PDCD6IP: variants seen among roughly 807,000 people sequenced by gnomAD.
PDCD6IP encodes programmed cell death 6 interacting protein, also known as programmed cell death 6-interacting protein.
In PDCD6IP, 43 loss-of-function variants were observed where a neutral mutation model predicts 103.7. That is an observed-to-expected ratio of 0.41 (90% CI 0.32 to 0.53). The LOEUF (loss-of-function observed/expected upper bound fraction) is 0.53. Among genes scored for constraint, PDCD6IP ranks in the 20% least tolerant of loss-of-function variants. PDCD6IP has a pLI of 0.16. For missense variants in PDCD6IP, 871 were observed against 1,036.7 expected, an observed-to-expected ratio of 0.84 and a Z score of 2.20; for synonymous variants, 354 against 378.7, an observed-to-expected ratio of 0.93 and a Z score of 0.76.
intron 2 of PDCD6IP, 36 bp from the exon 3 acceptor site, chr3:33,813,523 G>C (rs778644410): frequency 8.6e-6 from 11 of 1,281,578 alleles, no homozygotes; most frequent in African/African-American, 4.5e-5. Flanking sequence ...ATTCAGGAAG[G>C]TTACCTAATT....
At chr3:33,866,318 A>G (rs761692384) in intron 17 of PDCD6IP, 33 bp from the exon 18 acceptor site, 7 of 1,284,060 alleles carry the variant, frequency 5.5e-6, no homozygotes, top group Non-Finnish European at 6.3e-6. Flanking sequence ...TATTTGATTT[A>G]CCAATCAAGA....
At chr3:33,821,909 T>G (rs1696999656) in intron 3 of PDCD6IP, 46 bp from the exon 4 acceptor site, 1 of 1,562,760 alleles carries the variant, frequency 6.4e-7, no homozygotes, top group Admixed American at 1.8e-5. Flanking sequence ...TTTGTTTTCT[T>G]TAGAAAAAAT....
chr3:33,835,164 T>C, intron 7 of PDCD6IP: 1 of 454,780 alleles, frequency 2.2e-6, no homozygotes, highest in South Asian at 1.6e-5. Flanking sequence ...CGGCTTATGT[T>C]CATTTTTTTA....
At chr3:33,822,798 G>A (rs1440089276) in intron 4 of PDCD6IP, among the ~76,000 whole-genome samples, 2 of 152,096 alleles carry the variant, frequency 1.3e-5, no homozygotes, top group Non-Finnish European at 2.9e-5. Flanking sequence ...TAGGACTATA[G>A]GCATCCGCCA....
At chr3:33,852,456 T>TTTTA in intron 12 of PDCD6IP, 32 bp from the exon 13 acceptor site, 1 of 1,316,212 alleles carries the variant, frequency 7.6e-7, no homozygotes, top group South Asian at 1.8e-5. Flanking sequence ...TTTTTTTTTT[T>TTTTA]GCAGTTAAAC....
intron 1 of PDCD6IP, among the ~76,000 whole-genome samples, chr3:33,804,759 C>G (rs1447558075): frequency 3.3e-5 from 5 of 152,152 alleles, no homozygotes; most frequent in Non-Finnish European, 7.3e-5. Context: ...TCTTGATTCC[C>G]CAGCTAGTTA....
intron 5 of PDCD6IP, among the ~76,000 whole-genome samples, chr3:33,826,191 T>C (rs1372828526): frequency 1.3e-5 from 2 of 152,128 alleles, no homozygotes; most frequent in Non-Finnish European, 2.9e-5. Flanking sequence ...CAACATAAGA[T>C]TTTTAGTATA....
intron 4 of PDCD6IP, 31 bp from the exon 5 acceptor site, chr3:33,825,156 C>A: frequency 1.3e-6 from 2 of 1,587,954 alleles, no homozygotes; most frequent in African/African-American, 1.4e-5. Context: ...TTGCTGAGTT[C>A]CTATAAAGAA....
intron 3 of PDCD6IP, among the ~76,000 whole-genome samples, chr3:33,816,503 T>TAAAAA (rs57317946): frequency 3.5e-4 from 20 of 57,622 alleles, no homozygotes; most frequent in South Asian, 5.5e-4. Context: ...AGATTCTGTC[T>TAAAAA]AAAAAAAAAA....
chr3:33,828,610 G>C (rs1697180180), intron 6 of PDCD6IP: 1 of 276,892 alleles, frequency 3.6e-6, no homozygotes, highest in Non-Finnish European at 6.8e-6. Context: ...ACCTAAATTG[G>C]CTTCAGTTAA....
chr3:33,836,185 C>T lies in PDCD6IP; in HGVS notation c.976C>T (p.Leu326Phe), dbSNP rs371977368. 52 of 1,613,164 alleles carry T rather than the reference C, an allele frequency of 3.2e-5. No individual in the cohort carries two copies. Among genetic ancestry groups the T allele is most frequent in the Non-Finnish European group, 4.2e-5 (50 of 1,179,262 alleles). ...CATTTATCATGATCGAGTTCCAGAC[C>T]TTAAAGATCTAGATCCTATTGGCAA... ...DFIYHDRVPD[L>F]KDLDPIGKAT... is the part of the protein sequence containing the mutation. The change falls in exon 8 of 18, where the codon CTT becomes TTT. Residue 326 changes from leucine (L) to phenylalanine (F), a missense_variant. By Grantham distance (22) the Leu-to-Phe change is conservative (BLOSUM62 0). This residue lies in a region of PDCD6IP where 242 missense variants were observed against 250.7 expected (regional missense o/e 0.97). Transcript: ENST00000307296.
At chr3:33,813,729 A>C in intron 3 of PDCD6IP, 101 bp downstream of exon 3, 1 of 700,960 alleles carries the variant, frequency 1.4e-6, no homozygotes, top group Non-Finnish European at 2.5e-6. Context: ...TGTAAATACT[A>C]AAGTTTTTTA....
intron 7 of PDCD6IP, chr3:33,835,186 T>C (rs527916007): frequency 6.6e-6 from 3 of 456,276 alleles, no homozygotes; most frequent in African/African-American, 6.0e-5. Flanking sequence ...AAGGCCAAAC[T>C]TAAAAAAAAA....
intron 2 of PDCD6IP, 27 bp downstream of exon 2, chr3:33,812,153 TA>T: frequency 6.3e-7 from 1 of 1,592,234 alleles, no homozygotes; most frequent in Non-Finnish European, 8.5e-7. Context: ...GTCTTAAAAT[TA>T]TATGGTAATA....
In PDCD6IP at chr3:33,844,336, C is replaced by A. The variant is rs1697544234; in HGVS notation, c.1471+113C>A. The A allele has an allele frequency of 6.7e-5, 37 of 551,030 alleles. No homozygotes were observed. In the South Asian group the frequency reaches 1.3e-3, roughly 19 times the overall value. 34.1% of individuals were successfully genotyped at this position (551,030 alleles called of 1,614,324 possible). A position where few individuals can be genotyped will look rare whatever the true frequency, so the allele number is the denominator to read the frequency against. On this transcript the variant is annotated intron_variant, in intron 11 of 17. Coordinates refer to ENST00000307296, the MANE Select transcript of PDCD6IP (RefSeq NM_013374.6). ...ATTCATTTTTACCGAAACTGTTTTTCCTCAGTTTTAGTATAAAGATTAAAA... is the reference window on the plus strand; with the variant it reads ...ATTCATTTTTACCGAAACTGTTTTTACTCAGTTTTAGTATAAAGATTAAAA...
At chr3:33,840,194 C>T (rs1378649743) in intron 9 of PDCD6IP, among the ~76,000 whole-genome samples, 3 of 151,950 alleles carry the variant, frequency 2.0e-5, no homozygotes, top group African/African-American at 7.3e-5. Context: ...ATAGTATATT[C>T]TTATAATAAA....
At chr3:33,866,198 A>G (rs1053585376) in intron 17 of PDCD6IP, among the ~76,000 whole-genome samples, 153 bp from the exon 18 acceptor site, 6 of 152,214 alleles carry the variant, frequency 3.9e-5, no homozygotes. Flanking sequence ...TTTCTCTGAC[A>G]AGTGCCTTGA....
intron 3 of PDCD6IP, among the ~76,000 whole-genome samples, chr3:33,818,332 T>C (rs1426837044): frequency 6.6e-6 from 1 of 151,572 alleles, no homozygotes; most frequent in Non-Finnish European, 1.5e-5. Context: ...GGTCTCGAAC[T>C]CCTGACCTCA....
chr3:33,848,140 A>G (rs1697634150), intron 12 of PDCD6IP, among the ~76,000 whole-genome samples: 3 of 152,146 alleles, frequency 2.0e-5, no homozygotes, highest in Admixed American at 2.0e-4. Flanking sequence ...AAGTTTATAG[A>G]CATATTGACA....
Sources: gnomAD v4.1 joint callset for allele counts (sites outside exome capture counted in the v4.1 genomes callset) on GRCh38, gnomAD v4.1.1 for gene constraint, gnomAD v4.1.1 regional missense constraint, MANE v1.5 for transcripts, NCBI Gene and HGNC (gene_info 2026-07-23, HGNC 2026-07-21) for gene names.